The following GPATCH2 variants were observed in gnomAD, a reference collection of about 807,000 sequenced individuals.
The protein encoded by GPATCH2 is G-patch domain containing 2.
Under a neutral mutation model 58.0 loss-of-function variants are expected in GPATCH2, and 51 were observed. The ratio of observed to expected loss-of-function variants is 0.88; its 90% CI spans 0.70 to 1.11. The LOEUF (loss-of-function observed/expected upper bound fraction) is 1.11. GPATCH2 is among the 50% of genes most tolerant of loss of function. GPATCH2 has a pLI of 0.00. For missense variants in GPATCH2, 625 were observed against 652.2 expected (o/e 0.96, Z 0.45); for synonymous variants, 222 against 218.5 (o/e 1.02, Z -0.14).
At chr1:217,622,017 T>G (rs1315141108) in intron 1 of GPATCH2, among the ~76,000 whole-genome samples, 1 of 152,198 alleles carries the variant, frequency 6.6e-6, no homozygotes, top group Non-Finnish European at 1.5e-5. Context: ...GGATTCAAAC[T>G]CCAGCAATCA....
At chr1:217,440,632 C>T (rs548646876) in intron 9 of GPATCH2, among the ~76,000 whole-genome samples, 3 of 152,304 alleles carry the variant, frequency 2.0e-5, no homozygotes, top group African/African-American at 7.2e-5. Context: ...AGCCCAAAAT[C>T]TCCTTAAGCT....
At chr1:217,538,102 A>C (rs548100516) in intron 5 of GPATCH2, among the ~76,000 whole-genome samples, 9 of 152,342 alleles carry the variant, frequency 5.9e-5, no homozygotes, top group African/African-American at 2.2e-4. Flanking sequence ...CAACTAAAAA[A>C]TCTACATCCA....
At chr1:217,468,619 C>G (rs1660582502) in intron 8 of GPATCH2, among the ~76,000 whole-genome samples, 1 of 150,144 alleles carries the variant, frequency 6.7e-6, no homozygotes, top group African/African-American at 2.5e-5. Flanking sequence ...ATTTATATAT[C>G]AAAGGGAATC....
At chr1:217,607,985 T>A (rs1408373250) in intron 5 of GPATCH2, among the ~76,000 whole-genome samples, 1 of 152,218 alleles carries the variant, frequency 6.6e-6, no homozygotes, top group Non-Finnish European at 1.5e-5. Flanking sequence ...GGCTTTCCAG[T>A]GTGAAAGTTT....
intron 5 of GPATCH2, among the ~76,000 whole-genome samples, chr1:217,524,493 A>C (rs1400068734): frequency 1.3e-5 from 2 of 151,536 alleles, no homozygotes; most frequent in South Asian, 4.2e-4. Context: ...TCGGCTCTTT[A>C]GGAGGCCAAG....
intron 5 of GPATCH2, among the ~76,000 whole-genome samples, chr1:217,529,335 T>C (rs892582091): frequency 1.3e-5 from 2 of 152,172 alleles, no homozygotes; most frequent in African/African-American, 4.8e-5. Context: ...TGGGGCCTAG[T>C]TGGAGGCATT....
intron 8 of GPATCH2, among the ~76,000 whole-genome samples, chr1:217,461,198 A>G (rs779589988): frequency 1.3e-4 from 20 of 152,202 alleles, no homozygotes; most frequent in Admixed American, 1.3e-4. Flanking sequence ...AGTTATTTCT[A>G]TTTTGAAATA....
chr1:217,526,964 C>T (rs1663937202), intron 5 of GPATCH2, among the ~76,000 whole-genome samples: 1 of 152,206 alleles, frequency 6.6e-6, no homozygotes, highest in Admixed American at 6.5e-5. Flanking sequence ...TGATCTGTCA[C>T]TGTGTCCCCA....
Position 217,431,355 on chromosome 1 carries a change from AC to A in GPATCH2, c.1376del (p.Gly459ValfsTer8). On this transcript the variant is annotated frameshift_variant, in exon 10 of 10. Transcript: ENST00000366935. LOFTEE classifies it high-confidence loss of function. ...TTTCTAGGATTGGCTGGGCATTTTC[AC>A]CTACAAATCCTGAAATGATAAAACA... Reference protein sequence around the residue: ...LPGPTTAGFVGENAQPILENN... With the variant: ...LPGPTTAGFVXENAQPILENN... 1 of 1,567,578 alleles carries A rather than the reference AC, an allele frequency of 6.4e-7. No homozygotes were observed. Among genetic ancestry groups the A allele is most frequent in the Non-Finnish European group, 8.8e-7 (1 of 1,137,444 alleles).
At chr1:217,451,058 T>C (rs867682359) in intron 8 of GPATCH2, among the ~76,000 whole-genome samples, 1 of 152,170 alleles carries the variant, frequency 6.6e-6, no homozygotes, top group African/African-American at 2.4e-5. Flanking sequence ...ATTGGAAGAA[T>C]TTAAAGTCAG....
intron 5 of GPATCH2, among the ~76,000 whole-genome samples, chr1:217,607,766 A>C (rs1318941190): frequency 6.6e-6 from 1 of 152,182 alleles, no homozygotes; most frequent in Non-Finnish European, 1.5e-5. Flanking sequence ...ACTATAATAC[A>C]ACTGAAAACT....
chr1:217,433,957 G>A (rs1658682132), intron 9 of GPATCH2, among the ~76,000 whole-genome samples: 1 of 152,142 alleles, frequency 6.6e-6, no homozygotes, highest in African/African-American at 2.4e-5. Flanking sequence ...GATTTTCAAA[G>A]CCGTTTATTA....
intron 5 of GPATCH2, among the ~76,000 whole-genome samples, chr1:217,571,968 G>A (rs187332003): frequency 2.5e-4 from 32 of 129,118 alleles, no homozygotes; most frequent in African/African-American, 9.4e-4. Flanking sequence ...AAGGAAGGAA[G>A]GAAAGAAAGA....
At chr1:217,596,460 G>A (rs564533204) in intron 5 of GPATCH2, among the ~76,000 whole-genome samples, 9 of 152,114 alleles carry the variant, frequency 5.9e-5, no homozygotes, top group Non-Finnish European at 1.2e-4. Context: ...CTATAAGATG[G>A]AGAGGAGATA....
At chr1:217,506,697 A>G (rs1662581298) in intron 6 of GPATCH2, among the ~76,000 whole-genome samples, 1 of 152,192 alleles carries the variant, frequency 6.6e-6, no homozygotes, top group Non-Finnish European at 1.5e-5. Flanking sequence ...GACCTACCAG[A>G]CTTGGCATCA....
chr1:217,540,450 A>G (rs1170019134), intron 5 of GPATCH2, among the ~76,000 whole-genome samples: 1 of 152,228 alleles, frequency 6.6e-6, no homozygotes, highest in Non-Finnish European at 1.5e-5. Context: ...TGTGAAAGTA[A>G]CATGAAGTTT....
chr1:217,556,763 T>C (rs925033218), intron 5 of GPATCH2, among the ~76,000 whole-genome samples: 1 of 152,246 alleles, frequency 6.6e-6, no homozygotes, highest in Admixed American at 6.5e-5. Context: ...ATGCATTCTT[T>C]ACTGGCTGGT....
intron 5 of GPATCH2, among the ~76,000 whole-genome samples, chr1:217,539,982 G>T (rs1357903569): frequency 2.6e-5 from 4 of 152,088 alleles, no homozygotes; most frequent in Non-Finnish European, 4.4e-5. Context: ...TGAGTTAATA[G>T]GTTGGACATA....
At chr1:217,462,782 A>G (rs1205116780) in intron 8 of GPATCH2, among the ~76,000 whole-genome samples, 6 of 152,190 alleles carry the variant, frequency 3.9e-5, no homozygotes, top group Non-Finnish European at 7.3e-5. Flanking sequence ...TCACCTACTC[A>G]TCTACTCATC....
Sources: gnomAD v4.1 joint callset for allele counts (sites outside exome capture counted in the v4.1 genomes callset) on GRCh38, gnomAD v4.1.1 for gene constraint, MANE v1.5 for transcripts, NCBI Gene and HGNC (gene_info 2026-07-23, HGNC 2026-07-21) for gene names.